ANO4: variants seen among roughly 807,000 people sequenced by gnomAD.
ANO4 encodes anoctamin 4.
In ANO4, 69 loss-of-function variants were observed where a neutral mutation model predicts 141.9. The ratio of observed to expected loss-of-function variants is 0.49; its 90% CI spans 0.40 to 0.59. ANO4 has a LOEUF of 0.59. ANO4 is among the 20% of genes least tolerant of loss of function. ANO4 has a pLI of 0.00. For missense variants in ANO4, 894 were observed against 1,162.2 expected (o/e 0.77, Z 3.36); for synonymous variants, 350 against 394.3 (o/e 0.89, Z 1.33).
chr12:101,005,351 A>G (rs1566116503), intron 8 of ANO4, among the ~76,000 whole-genome samples: 1 of 152,218 alleles, frequency 6.6e-6, no homozygotes, highest in Non-Finnish European at 1.5e-5. Flanking sequence ...TAGCAAATAA[A>G]ACTAATCTCT....
intron 1 of ANO4, among the ~76,000 whole-genome samples, chr12:100,900,876 C>T (rs745863687): frequency 2.0e-5 from 3 of 152,078 alleles, no homozygotes; most frequent in African/African-American, 7.2e-5. Context: ...TTCTGAGTAA[C>T]GAATTGGTAT....
chr12:101,123,836 T>TACTG (rs1273971207), intron 26 of ANO4, among the ~76,000 whole-genome samples: 14 of 152,166 alleles, frequency 9.2e-5, no homozygotes, highest in African/African-American at 3.4e-4. Flanking sequence ...ATAAGCGCCA[T>TACTG]ACTGACTGGT....
At chr12:101,008,324 T>C (rs1313268063) in intron 8 of ANO4, among the ~76,000 whole-genome samples, 3 of 152,138 alleles carry the variant, frequency 2.0e-5, no homozygotes, top group Non-Finnish European at 4.4e-5. Context: ...CCCTTTCAAC[T>C]CTTTTACCTG....
chr12:101,059,963 TG>T (rs2048280371), intron 14 of ANO4, among the ~76,000 whole-genome samples: 1 of 152,214 alleles, frequency 6.6e-6, no homozygotes, highest in South Asian at 2.1e-4. Flanking sequence ...TTCTTTTAAT[TG>T]TGATGTTAGG....
rs762788411 is a variant in ANO4, at chr12:101,096,531, C to T, written c.1739-5C>T. On this transcript the variant is annotated splice_polypyrimidine_tract_variant and splice_region_variant and intron_variant, in intron 18 of 27. Transcript: ENST00000392977. ...TTTCAAACTCTGCTCACCTTTTGTC[C>T]ACAGAACAGCCTCGCACAGAGTCTG... 9.3e-6 allele frequency: 15 copies of T among 1,610,374 alleles called. No individual in the cohort carries two copies. The highest frequency in any genetic ancestry group is 3.3e-5 in the Admixed American group (2 of 59,944).
At chr12:100,985,913 T>C (rs1257269513) in intron 7 of ANO4, among the ~76,000 whole-genome samples, 2 of 152,244 alleles carry the variant, frequency 1.3e-5, no homozygotes, top group Non-Finnish European at 2.9e-5. Flanking sequence ...TCAACCTGGC[T>C]GGGCTAAAGG....
chr12:100,903,069 A>C (rs184970885), intron 2 of ANO4, among the ~76,000 whole-genome samples: 413 of 152,292 alleles, frequency 2.7e-3, no homozygotes, highest in Middle Eastern at 0.01. Context: ...AAACTTCTGA[A>C]AATAATAATT....
At chr12:101,043,808 A>T (rs150961110) in intron 13 of ANO4, among the ~76,000 whole-genome samples, 173 bp downstream of exon 13, 2 of 152,258 alleles carry the variant, frequency 1.3e-5, no homozygotes, top group African/African-American at 4.8e-5. Flanking sequence ...TTAATTGTCC[A>T]TGTATTTGGA....
chr12:100,821,216 G>C (rs904086367), intron 1 of ANO4, among the ~76,000 whole-genome samples: 9 of 151,976 alleles, frequency 5.9e-5, no homozygotes, highest in Non-Finnish European at 1.3e-4. Flanking sequence ...CCACCAAATG[G>C]TAATCAAAAC....
At chr12:101,021,602 C>A (rs577863487) in intron 9 of ANO4, among the ~76,000 whole-genome samples, 1 of 152,252 alleles carries the variant, frequency 6.6e-6, no homozygotes, top group African/African-American at 2.4e-5. Flanking sequence ...TAGGGTGAAA[C>A]TAGAAGGTTG....
intron 1 of ANO4, among the ~76,000 whole-genome samples, chr12:100,723,195 T>C (rs754965909): frequency 2.0e-5 from 3 of 152,248 alleles, no homozygotes; most frequent in Non-Finnish European, 4.4e-5. Context: ...AGCATTTTAA[T>C]TCTTTCCTTT....
chr12:100,969,965 A>G (rs759048466), intron 5 of ANO4, among the ~76,000 whole-genome samples: 1 of 152,164 alleles, frequency 6.6e-6, no homozygotes, highest in Non-Finnish European at 1.5e-5. Flanking sequence ...TTGGTTTTTC[A>G]TGTCCTTTTG....
At chr12:100,823,853 T>C (rs569795342) in intron 1 of ANO4, among the ~76,000 whole-genome samples, 49 of 152,160 alleles carry the variant, frequency 3.2e-4, no homozygotes, top group African/African-American at 1.1e-3. Context: ...ACAATGTGTA[T>C]TTGATGAAAT....
chr12:100,836,339 T>TTA (rs981615927), intron 1 of ANO4, among the ~76,000 whole-genome samples: 16 of 152,146 alleles, frequency 1.1e-4, no homozygotes, highest in Non-Finnish European at 1.6e-4. Flanking sequence ...TGAAGTCTTT[T>TTA]TATATATATA....
intron 3 of ANO4, among the ~76,000 whole-genome samples, chr12:100,760,339 T>C (rs924890428): frequency 3.9e-5 from 6 of 152,124 alleles, no homozygotes; most frequent in South Asian, 4.1e-4. Context: ...GCCAAGAAAA[T>C]AGAAAGCAGA....
chr12:100,912,241 A>G (rs962472351), intron 2 of ANO4, among the ~76,000 whole-genome samples: 2 of 151,944 alleles, frequency 1.3e-5, no homozygotes, highest in Non-Finnish European at 2.9e-5. Context: ...CTAAAAATAC[A>G]TAAATTAACC....
chr12:100,960,936 A>G (rs1193316343), intron 5 of ANO4, among the ~76,000 whole-genome samples: 2 of 152,228 alleles, frequency 1.3e-5, no homozygotes. Context: ...TTGGAATTTT[A>G]TAGATCAGAA....
At chr12:100,941,957 A>AAAT (rs1395992540) in intron 4 of ANO4, among the ~76,000 whole-genome samples, 1 of 143,154 alleles carries the variant, frequency 7.0e-6, no homozygotes, top group Non-Finnish European at 1.5e-5. Context: ...CAATGAAAAA[A>AAAT]ATTATTATTA....
At chr12:100,814,924 GA>G (rs1438928251) in intron 1 of ANO4, among the ~76,000 whole-genome samples, 1 of 152,156 alleles carries the variant, frequency 6.6e-6, no homozygotes, top group Non-Finnish European at 1.5e-5. Context: ...CAAAGTGGGA[GA>G]GGGGGCTGCA....
Sources: gnomAD v4.1 joint callset for allele counts (sites outside exome capture counted in the v4.1 genomes callset) on GRCh38, gnomAD v4.1.1 for gene constraint, MANE v1.5 for transcripts, NCBI Gene and HGNC (gene_info 2026-07-23, HGNC 2026-07-21) for gene names.